The following PCDH15 variants were observed in gnomAD, a reference collection of about 807,000 sequenced individuals.
The protein encoded by PCDH15 is protocadherin-15.
In PCDH15, 129 loss-of-function variants were observed where a neutral mutation model predicts 178.5. The observed-to-expected ratio is 0.72, with a 90% CI of 0.63 to 0.84. PCDH15 has a LOEUF of 0.84. Ranked by LOEUF, PCDH15 falls within the 40% of genes least tolerant of loss-of-function variation. The pLI is 0.00. For synonymous variants in PCDH15, 800 were observed against 732.0 expected, an observed-to-expected ratio of 1.09 and a Z score of -1.50; for missense variants, 2,230 against 2,099.9, an observed-to-expected ratio of 1.06 and a Z score of -1.21.
chr10:55,570,901 C>G (rs1358101569), intron 2 of PCDH15, among the ~76,000 whole-genome samples: 1 of 152,066 alleles, frequency 6.6e-6, no homozygotes, highest in Non-Finnish European at 1.5e-5. Context: ...AGGCAATAAT[C>G]ATTACTTTTA....
At chr10:54,711,889 A>G (rs1349601060) in intron 1 of PCDH15, among the ~76,000 whole-genome samples, 2 of 151,970 alleles carry the variant, frequency 1.3e-5, no homozygotes, top group East Asian at 3.9e-4. Context: ...AATGTATAAT[A>G]TCTTCTATTT....
At chr10:54,061,310 T>G (rs2135744495) in intron 18 of PCDH15, among the ~76,000 whole-genome samples, 1 of 152,304 alleles carries the variant, frequency 6.6e-6, no homozygotes, top group East Asian at 1.9e-4. Context: ...TGTGAAATAC[T>G]CTCAAGGATA....
chr10:55,467,773 C>G (rs1589054492), intron 2 of PCDH15, among the ~76,000 whole-genome samples: 1 of 151,328 alleles, frequency 6.6e-6, no homozygotes, highest in Non-Finnish European at 1.5e-5. Context: ...AGATCATCCT[C>G]GCTGACAGGG....
At chr10:54,710,334 T>C (rs1038176239) in intron 1 of PCDH15, among the ~76,000 whole-genome samples, 2 of 152,044 alleles carry the variant, frequency 1.3e-5, no homozygotes, top group Admixed American at 1.3e-4. Flanking sequence ...TGGAAAAGTA[T>C]TGTGAAGGAT....
chr10:54,072,652 G>A (rs2094266755), intron 17 of PCDH15, among the ~76,000 whole-genome samples: 1 of 152,108 alleles, frequency 6.6e-6, no homozygotes, highest in African/African-American at 2.4e-5. Context: ...TGGAAGAAGG[G>A]GGAAATGATG....
At chr10:53,922,883 C>T (rs2084121127) in intron 25 of PCDH15, among the ~76,000 whole-genome samples, 2 of 151,946 alleles carry the variant, frequency 1.3e-5, no homozygotes, top group South Asian at 2.1e-4. Context: ...GTCGGGAGAT[C>T]GAGACCATCC....
At chr10:55,369,986 T>C (rs1291066758) in intron 2 of PCDH15, among the ~76,000 whole-genome samples, 5 of 150,272 alleles carry the variant, frequency 3.3e-5, no homozygotes, top group Non-Finnish European at 7.4e-5. Flanking sequence ...ATCCATCAAA[T>C]TATATAACCT....
At chr10:54,447,259 C>T (rs1289794174) in intron 3 of PCDH15, among the ~76,000 whole-genome samples, 1 of 151,604 alleles carries the variant, frequency 6.6e-6, no homozygotes, top group Non-Finnish European at 1.5e-5. Flanking sequence ...TTGAAATCTA[C>T]TCCATTGGCA....
intron 1 of PCDH15, among the ~76,000 whole-genome samples, chr10:54,779,423 C>CACACACATATATGTGTATATATATATAT (rs1950050538): frequency 8.5e-6 from 1 of 117,266 alleles, no homozygotes; most frequent in African/African-American, 3.2e-5. Context: ...TATATATATA[C>CACACACATATATGTGTATATATATATAT]ACACACATAT....
At chr10:54,025,585 G>A (rs528352456) in intron 18 of PCDH15, among the ~76,000 whole-genome samples, 54 of 149,750 alleles carry the variant, frequency 3.6e-4, no homozygotes, top group Admixed American at 8.1e-4. Context: ...TGCAACCTCC[G>A]CCTTCTGGGT....
chr10:53,970,375 C>T (rs1353008289), intron 21 of PCDH15, among the ~76,000 whole-genome samples: 3 of 152,034 alleles, frequency 2.0e-5, no homozygotes, highest in African/African-American at 4.8e-5. Context: ...CCTTGGAGAC[C>T]TACAAAGAGA....
In PCDH15 at chr10:54,833,251, A is replaced by G. The variant is rs564532808; in HGVS notation, c.-29+64199T>C. 1.2e-3 allele frequency among the ~76,000 whole-genome samples: 185 copies of G among 151,990 alleles called. 1 individual carries two copies. Among genetic ancestry groups the G allele is most frequent in the African/African-American group, 4.3e-3 (179 of 41,434 alleles). ...ATCATTATTAAGGTGTAGATGTTAC[A>G]AAGTATGATAATTAATTTTGTTTAT... is the stretch of plus-strand genomic sequence containing the variant. On this transcript the variant is annotated intron_variant, in intron 3 of 5. Coordinates refer to the PCDH15 transcript ENST00000458638.
At chr10:53,952,015 T>G (rs1387630762) in intron 23 of PCDH15, among the ~76,000 whole-genome samples, 2 of 152,114 alleles carry the variant, frequency 1.3e-5, no homozygotes, top group Admixed American at 1.3e-4. Context: ...CATGTCTGGA[T>G]GAGGAGAACG....
intron 8 of PCDH15, among the ~76,000 whole-genome samples, chr10:54,313,651 G>A (rs857378): frequency 0.72 from 109,072 of 151,918 alleles, 39,994 homozygotes; most frequent in Middle Eastern, 0.82. Flanking sequence ...CTGTCTACCA[G>A]AAACGTTTTT....
At chr10:55,251,255 T>G (rs2132223871) in intron 1 of PCDH15, among the ~76,000 whole-genome samples, 1 of 152,276 alleles carries the variant, frequency 6.6e-6, no homozygotes, top group Non-Finnish European at 1.5e-5. Flanking sequence ...TAGATACATG[T>G]ATCTACCAAT....
At chr10:54,643,328 C>A (rs1283416661) in intron 2 of PCDH15, among the ~76,000 whole-genome samples, 1 of 152,164 alleles carries the variant, frequency 6.6e-6, no homozygotes, top group East Asian at 1.9e-4. Flanking sequence ...GATTTCTAAA[C>A]CTCAACTCTG....
rs115428843 is a variant in PCDH15 at position 54,993,088 on chromosome 10, A to G, written c.-79-95588T>C. On this transcript the variant is annotated intron_variant, in intron 2 of 5. Coordinates refer to the PCDH15 transcript ENST00000458638. The stretch of plus-strand genomic sequence containing the variant: ...GAATTATGGTGGCTTAGCATGGTGT[A>G]CAGACACTGAATATAAAGAAAACCA... Among the ~76,000 whole-genome samples, 782 of 152,238 alleles carry G rather than the reference A, an allele frequency of 5.1e-3. 4 individuals are homozygous for G. The highest frequency in any genetic ancestry group is 0.018 in the African/African-American group (751 of 41,552).
intron 2 of PCDH15, among the ~76,000 whole-genome samples, chr10:55,380,893 T>C (rs761473318): frequency 1.3e-5 from 2 of 152,152 alleles, no homozygotes; most frequent in Non-Finnish European, 1.5e-5. Context: ...AAAAGTGAGA[T>C]ACAGAGACAC....
intron 1 of PCDH15, among the ~76,000 whole-genome samples, chr10:55,252,368 T>C (rs1332818474): frequency 2.6e-5 from 4 of 152,166 alleles, no homozygotes; most frequent in Non-Finnish European, 4.4e-5. Flanking sequence ...GCCCTAGATG[T>C]AATCCTGTCT....
Sources: gnomAD v4.1 joint callset for allele counts (sites outside exome capture counted in the v4.1 genomes callset) on GRCh38, gnomAD v4.1.1 for gene constraint, MANE v1.5 for transcripts, NCBI Gene and HGNC (gene_info 2026-07-23, HGNC 2026-07-21) for gene names.